CPS1: variants seen among roughly 807,000 people sequenced by gnomAD.
The protein encoded by CPS1 is carbamoyl-phosphate synthase [ammonia], mitochondrial.
In CPS1, 109 loss-of-function variants were observed where a neutral mutation model predicts 174.6. The observed-to-expected ratio is 0.62, with a 90% CI of 0.53 to 0.73. The LOEUF is 0.73. Ranked by LOEUF, CPS1 falls within the 30% of genes least tolerant of loss-of-function variation. The probability of loss-of-function intolerance (pLI) is 0.00; values close to 1 mark genes in which losing one functional copy is unlikely to be tolerated. For synonymous variants in CPS1, 637 were observed against 632.0 expected (o/e 1.01, Z -0.12); for missense variants, 1,689 against 1,821.9 (o/e 0.93, Z 1.33).
intron 14 of CPS1, 140 bp downstream of exon 14, chr2:210,599,701 A>G (rs1014019174): frequency 8.3e-6 from 7 of 848,312 alleles, no homozygotes; most frequent in African/African-American, 1.7e-5. Flanking sequence ...GTTAGCAAAC[A>G]GCCACTTAAT....
intron 33 of CPS1, among the ~76,000 whole-genome samples, chr2:210,665,469 T>TC (rs1288959451): frequency 8.8e-6 from 1 of 113,450 alleles, no homozygotes; most frequent in Non-Finnish European, 1.8e-5. Flanking sequence ...ATGCTATCCC[T>TC]CCCCCCTCCC....
In CPS1 at chr2:210,608,393, C is replaced by T. The variant is rs1284100991; in HGVS notation, c.2225C>T (p.Ala742Val). 1 of 1,612,166 alleles carries T rather than the reference C, an allele frequency of 6.2e-7. No homozygotes were observed. The highest frequency in any genetic ancestry group is 8.5e-7 in the Non-Finnish European group (1 of 1,178,824). The change falls in exon 19 of 38, where the codon GCC becomes GTC. Residue 742 changes from alanine to valine, a missense_variant. By Grantham distance (64) the Ala-to-Val change is moderately conservative. Transcript: ENST00000233072. Reference sequence around the variant, plus strand: ...TTGGCATTCATTGCTGCAAAGATTGCCCTAGGAATCCCACTTCCAGAAATT... The same window carrying T: ...TTGGCATTCATTGCTGCAAAGATTGTCCTAGGAATCCCACTTCCAGAAATT... ...YPLAFIAAKI[A>V]LGIPLPEIKN...
rs750344198 is a variant in CPS1 at position 210,639,309 on chromosome 2, A to C, written c.2895+94A>C. Reference sequence around the variant, plus strand: ...ATATTTTTTACCTCTTTGGATATCTAGGTAATAAAAAAAGGCATCATGGCC... The same window carrying C: ...ATATTTTTTACCTCTTTGGATATCTCGGTAATAAAAAAAGGCATCATGGCC... On this transcript the variant is annotated intron_variant, in intron 23 of 37. Coordinates refer to ENST00000233072, the MANE Select transcript of CPS1 (RefSeq NM_001875.5). The C allele has an allele frequency of 1.1e-3, 1,171 of 1,057,002 alleles. 8 individuals are homozygous for C. Among genetic ancestry groups the C allele is most frequent in the Non-Finnish European group, 7.1e-4 (491 of 693,598 alleles). The allele number at this position is 1,057,002 out of a possible 1,614,324, so 65.5% of individuals were successfully genotyped here.
At chr2:210,535,575 T>TA (rs1279881292) in intron 1 of CPS1, among the ~76,000 whole-genome samples, 1 of 152,132 alleles carries the variant, frequency 6.6e-6, no homozygotes, top group Non-Finnish European at 1.5e-5. Flanking sequence ...CTACTGACTT[T>TA]AAAAAAGCCA....
rs771150924 is a variant in CPS1 at position 210,647,883 on chromosome 2, A to G, written c.3162A>G (p.Ile1054Met). ...TCCAGGCATGTGGTGGCTGCATCAT[A>G]TCAGTTGGAGGCCAGATTCCAAACA... ...YHQEACGGCI[I>M]SVGGQIPNNL... The change falls in exon 26 of 38, where the codon ATA becomes ATG. Residue 1054 changes from isoleucine (I) to methionine (M), a missense_variant. Ile to Met is a conservative substitution (Grantham distance 10, BLOSUM62 1). Transcript: ENST00000233072. 1 of 1,614,018 alleles carries G rather than the reference A, an allele frequency of 6.2e-7. No homozygotes were observed.
chr2:210,656,951 C>T (rs1700728117), intron 30 of CPS1, among the ~76,000 whole-genome samples: 1 of 152,162 alleles, frequency 6.6e-6, no homozygotes, highest in Non-Finnish European at 1.5e-5. Context: ...ATTTCTGGAT[C>T]GGGCTCCAGA....
intron 21 of CPS1, among the ~76,000 whole-genome samples, chr2:210,626,467 G>T (rs879698087): frequency 6.6e-6 from 1 of 152,084 alleles, no homozygotes; most frequent in African/African-American, 2.4e-5. Context: ...AACTGACTGT[G>T]TTGGGAAATA....
chr2:210,608,955 A>T (rs1329244678), intron 19 of CPS1, among the ~76,000 whole-genome samples: 2 of 151,972 alleles, frequency 1.3e-5, no homozygotes, highest in East Asian at 1.9e-4. Flanking sequence ...ACTGAGCTTA[A>T]GAATTCAACT....
chr2:210,479,580 T>C (rs1694508033), intron 1 of CPS1, among the ~76,000 whole-genome samples: 1 of 152,132 alleles, frequency 6.6e-6, no homozygotes, highest in Non-Finnish European at 1.5e-5. Flanking sequence ...ATGCCTGACT[T>C]GGCTAACCTT....
chr2:210,496,842 A>G (rs1057486705), intron 1 of CPS1, among the ~76,000 whole-genome samples: 1 of 152,108 alleles, frequency 6.6e-6, no homozygotes, highest in African/African-American at 2.4e-5. Context: ...ACCCTATTTA[A>G]TACTTAAACT....
At chr2:210,660,755 T>A in intron 32 of CPS1, 100 bp downstream of exon 32, 2 of 1,164,200 alleles carry the variant, frequency 1.7e-6, no homozygotes, top group Non-Finnish European at 2.5e-6. Flanking sequence ...ACCTTCTAAC[T>A]AAAGGGTTGG....
At chr2:210,647,666 C>T (rs1700422222) in intron 25 of CPS1, among the ~76,000 whole-genome samples, 197 bp from the exon 26 acceptor site, 1 of 152,172 alleles carries the variant, frequency 6.6e-6, no homozygotes, top group African/African-American at 2.4e-5. Flanking sequence ...GTATGGAAAT[C>T]TTGCACAGAT....
At chr2:210,606,598 C>A in intron 17 of CPS1, 133 bp from the exon 18 acceptor site, 1 of 828,070 alleles carries the variant, frequency 1.2e-6, no homozygotes, top group Non-Finnish European at 2.0e-6. Flanking sequence ...TGGGGGAATA[C>A]CTGATATCAC....
At chr2:210,654,190 A>G (rs759810139) in intron 29 of CPS1, 88 bp downstream of exon 29, 40 of 1,187,284 alleles carry the variant, frequency 3.4e-5, no homozygotes, top group Non-Finnish European at 4.8e-5. Context: ...GTTAGAATTC[A>G]TAATATCTAT....
intron 24 of CPS1, among the ~76,000 whole-genome samples, chr2:210,642,138 A>G (rs1700244782): frequency 6.6e-6 from 1 of 152,222 alleles, no homozygotes; most frequent in Non-Finnish European, 1.5e-5. Flanking sequence ...AGGTCAATAT[A>G]TTCACTTTGA....
chr2:210,621,890 C>A (rs1699541855), intron 21 of CPS1, among the ~76,000 whole-genome samples: 1 of 152,016 alleles, frequency 6.6e-6, no homozygotes, highest in African/African-American at 2.4e-5. Flanking sequence ...ATATTAAGCA[C>A]TGTTCTAAGC....
chr2:210,492,347 A>G (rs1694895722), intron 1 of CPS1, among the ~76,000 whole-genome samples: 1 of 152,222 alleles, frequency 6.6e-6, no homozygotes, highest in Non-Finnish European at 1.5e-5. Context: ...GAAGTCAGAA[A>G]TAGGACAGCT....
intron 1 of CPS1, among the ~76,000 whole-genome samples, chr2:210,515,765 T>C (rs889797956): frequency 2.0e-5 from 3 of 151,980 alleles, no homozygotes; most frequent in Non-Finnish European, 4.4e-5. Flanking sequence ...ATTTACCTTT[T>C]TCTAGTTCCT....
chr2:210,484,162 G>A (rs1346513188), intron 1 of CPS1, among the ~76,000 whole-genome samples: 3 of 152,168 alleles, frequency 2.0e-5, no homozygotes, highest in Non-Finnish European at 4.4e-5. Context: ...CATAGAAGGT[G>A]ACATCTGAGT....
Sources: gnomAD v4.1 joint callset for allele counts (sites outside exome capture counted in the v4.1 genomes callset) on GRCh38, gnomAD v4.1.1 for gene constraint, MANE v1.5 for transcripts, NCBI Gene and HGNC (gene_info 2026-07-23, HGNC 2026-07-21) for gene names.